PABPC4L: variants seen among roughly 807,000 people sequenced by gnomAD.
PABPC4L encodes the protein polyadenylate-binding protein 4-like.
For missense variants in PABPC4L, 452 were observed against 451.4 expected (o/e 1.00, Z -0.01); for synonymous variants, 169 against 164.1 (o/e 1.03, Z -0.23).
chr4:134,041,472 C>A, the PABPC4L span, among the ~76,000 whole-genome samples: 1 of 151,930 alleles, frequency 6.6e-6, no homozygotes, highest in Non-Finnish European at 1.5e-5. Flanking sequence ...CAAACTAACA[C>A]AAGAACAGAA....
the PABPC4L span, among the ~76,000 whole-genome samples, chr4:134,172,791 C>T: frequency 6.6e-6 from 1 of 151,798 alleles, no homozygotes; most frequent in East Asian, 1.9e-4. Flanking sequence ...ATATCCTTCA[C>T]AGAAATATAA....
At chr4:134,166,738 C>A in the PABPC4L span, among the ~76,000 whole-genome samples, 1 of 152,274 alleles carries the variant, frequency 6.6e-6, no homozygotes, top group Admixed American at 6.5e-5. Flanking sequence ...TTTGTCCCTT[C>A]CTATTCATTC....
chr4:134,079,607 A>AAAAC, the PABPC4L span, among the ~76,000 whole-genome samples: 1 of 108,422 alleles, frequency 9.2e-6, no homozygotes, highest in Non-Finnish European at 1.9e-5. Context: ...AAAAAAAAAA[A>AAAAC]AAAACTGTGC....
At chr4:134,149,634 T>C in the PABPC4L span, among the ~76,000 whole-genome samples, 1 of 152,118 alleles carries the variant, frequency 6.6e-6, no homozygotes, top group African/African-American at 2.4e-5. Context: ...TACATACATT[T>C]CAAAGTGACA....
At chr4:133,950,460 G>T in the PABPC4L span, among the ~76,000 whole-genome samples, 1 of 152,068 alleles carries the variant, frequency 6.6e-6, no homozygotes, top group African/African-American at 2.4e-5. Context: ...TTTTTAACAA[G>T]GATATAAATC....
chr4:134,065,299 G>T, the PABPC4L span, among the ~76,000 whole-genome samples: 43 of 150,960 alleles, frequency 2.8e-4, no homozygotes, highest in African/African-American at 1.0e-3. Context: ...TGATGGGTGT[G>T]AGATGATATC....
the PABPC4L span, among the ~76,000 whole-genome samples, chr4:133,968,842 A>C: frequency 6.6e-6 from 1 of 152,202 alleles, no homozygotes; most frequent in Non-Finnish European, 1.5e-5. Context: ...GCCATACAAG[A>C]GTGATTTTCA....
the PABPC4L span, among the ~76,000 whole-genome samples, chr4:133,954,298 CT>C: frequency 1.3e-5 from 2 of 152,154 alleles, no homozygotes. Flanking sequence ...CGCTCTTTTT[CT>C]CCTTCTTTAA....
the PABPC4L span, among the ~76,000 whole-genome samples, chr4:133,981,504 A>C: frequency 6.6e-6 from 1 of 152,120 alleles, no homozygotes; most frequent in Non-Finnish European, 1.5e-5. Flanking sequence ...TCAGATATTA[A>C]TTCTAAGTGG....
At chr4:133,994,762 A>C in the PABPC4L span, among the ~76,000 whole-genome samples, 1 of 152,140 alleles carries the variant, frequency 6.6e-6, no homozygotes, top group Non-Finnish European at 1.5e-5. Context: ...CCAGTATGGT[A>C]AAAGTAGCAA....
chr4:134,004,352 A>G, the PABPC4L span, among the ~76,000 whole-genome samples: 1 of 151,978 alleles, frequency 6.6e-6, no homozygotes, highest in Admixed American at 6.6e-5. Context: ...ACATTTCCCA[A>G]AAGAAAACAT....
chr4:133,984,737 T>G, the PABPC4L span, among the ~76,000 whole-genome samples: 1 of 151,930 alleles, frequency 6.6e-6, no homozygotes, highest in East Asian at 1.9e-4. Context: ...ATATTACATA[T>G]TTAGCCCTGA....
At chr4:134,102,932 G>C in the PABPC4L span, among the ~76,000 whole-genome samples, 1 of 151,158 alleles carries the variant, frequency 6.6e-6, no homozygotes, top group Non-Finnish European at 1.5e-5. Flanking sequence ...ATAGTGCATA[G>C]AGAATATATA....
rs1729679248 is a variant in PABPC4L, at chr4:134,196,971, C to T, written c.*2936G>A. The T allele has an allele frequency of 6.6e-6, 1 of 151,586 alleles. No homozygotes were observed. The highest frequency in any genetic ancestry group is 2.4e-5 in the African/African-American group (1 of 41,390). 9.4% of individuals were successfully genotyped at this position (151,586 alleles called of 1,614,324 possible). A position where few individuals can be genotyped will look rare whatever the true frequency, so the allele number is the denominator to read the frequency against. ...AAAGAACTCTGTTTCCTGATATTAT[C>T]TTGAAAGATTATGTAAGCATTATCA... On this transcript the variant is annotated 3_prime_UTR_variant, in exon 2 of 2. Coordinates refer to ENST00000421491, the MANE Select transcript of PABPC4L (RefSeq NM_001114734.2).
the PABPC4L span, among the ~76,000 whole-genome samples, chr4:134,133,681 T>C: frequency 6.6e-6 from 1 of 151,746 alleles, no homozygotes; most frequent in Non-Finnish European, 1.5e-5. Flanking sequence ...CTTTGGGGTC[T>C]CTGCGGAAAG....
At chr4:133,986,333 C>A in the PABPC4L span, among the ~76,000 whole-genome samples, 2 of 151,276 alleles carry the variant, frequency 1.3e-5, no homozygotes, top group Admixed American at 1.3e-4. Context: ...CAAAACAAAC[C>A]AGAAGCAGAA....
the PABPC4L span, among the ~76,000 whole-genome samples, chr4:134,131,714 C>CAAA: frequency 6.4e-3 from 68 of 10,670 alleles, 19 homozygotes; most frequent in African/African-American, 0.017. Context: ...CCTGTGAAAC[C>CAAA]AAAAAAAAAA....
chr4:134,146,270 T>A, the PABPC4L span, among the ~76,000 whole-genome samples: 2 of 152,102 alleles, frequency 1.3e-5, no homozygotes, highest in East Asian at 3.9e-4. Context: ...AATGTCCATA[T>A]TACTTATGAT....
the PABPC4L span, among the ~76,000 whole-genome samples, chr4:134,163,858 C>T: frequency 6.6e-6 from 1 of 152,042 alleles, no homozygotes; most frequent in African/African-American, 2.4e-5. Flanking sequence ...CATAATATGT[C>T]ATGTAGTACA....
Sources: allele counts gnomAD v4.1 joint callset (sites outside exome capture counted in the v4.1 genomes callset), GRCh38; gene constraint gnomAD v4.1.1; transcripts MANE v1.5; gene names NCBI Gene and HGNC (gene_info 2026-07-23, HGNC 2026-07-21).